CLVS1: variants seen among roughly 807,000 people sequenced by gnomAD.
CLVS1 encodes clavesin-1.
A neutral mutation model predicts 33.1 loss-of-function variants in CLVS1; 10 were observed. The ratio of observed to expected loss-of-function variants is 0.30; its 90% confidence interval spans 0.19 to 0.51. The LOEUF (loss-of-function observed/expected upper bound fraction) is 0.51, where lower values mean the gene tolerates loss of function less well. CLVS1 is among the 20% of genes least tolerant of loss of function. The probability of loss-of-function intolerance (pLI) is 0.97; values close to 1 mark genes in which losing one functional copy is unlikely to be tolerated. For synonymous variants in CLVS1, 163 were observed against 166.1 expected (o/e 0.98, Z 0.14); for missense variants, 343 against 433.4 (o/e 0.79, Z 1.85).
At chr8:61,430,651 G>A (rs1004955994) in intron 3 of CLVS1, among the ~76,000 whole-genome samples, 1 of 152,190 alleles carries the variant, frequency 6.6e-6, no homozygotes, top group African/African-American at 2.4e-5. Context: ...TTTACAAGCT[G>A]TCTTTATGTG....
At chr8:60,991,147 CAAT>C in the CLVS1 span, among the ~76,000 whole-genome samples, 104 of 152,024 alleles carry the variant, frequency 6.8e-4, no homozygotes, top group Admixed American at 2.1e-3. Context: ...TTAATAATAA[CAAT>C]AATAATACTA....
At chr8:61,292,532 C>T in intron 1 of CLVS1, 1 of 367,198 alleles carries the variant, frequency 2.7e-6, no homozygotes, top group Non-Finnish European at 5.5e-6. Context: ...ATACTCTTTC[C>T]CTTTGAAGAC....
chr8:61,096,403 C>T (rs1024689561), intron 1 of CLVS1, among the ~76,000 whole-genome samples: 1 of 152,058 alleles, frequency 6.6e-6, no homozygotes, highest in Non-Finnish European at 1.5e-5. Flanking sequence ...CCATATGATT[C>T]TAAAAATCAG....
At chr8:61,098,607 T>G (rs1226151815) in intron 1 of CLVS1, among the ~76,000 whole-genome samples, 2 of 152,120 alleles carry the variant, frequency 1.3e-5, no homozygotes, top group Non-Finnish European at 2.9e-5. Flanking sequence ...TCATTAATCC[T>G]TGCAACACTC....
chr8:61,478,778 C>T (rs1467112026), intron 5 of CLVS1, among the ~76,000 whole-genome samples: 1 of 152,130 alleles, frequency 6.6e-6, no homozygotes, highest in Non-Finnish European at 1.5e-5. Flanking sequence ...TCCAATTTGC[C>T]AGTCTGTGTC....
At chr8:61,127,817 AGTCT>A (rs1232402630) in intron 1 of CLVS1, among the ~76,000 whole-genome samples, 1 of 152,224 alleles carries the variant, frequency 6.6e-6, no homozygotes, top group Non-Finnish European at 1.5e-5. Context: ...CTAGGTACAC[AGTCT>A]GTCTATAAAC....
In CLVS1 at chr8:61,199,460, A is replaced by G. The variant is rs1585682633; in HGVS notation, c.-152+67600A>G. ...AATTGGGCAAACAATATGAACAGAC[A>G]TTTCTCAAAAGAAAATATACAAATG... is the stretch of plus-strand genomic sequence containing the variant. On this transcript the variant is annotated intron_variant, in intron 2 of 2. Transcript: ENST00000522621. Among the ~76,000 whole-genome samples the G allele has an allele frequency of 2.6e-5, 4 of 152,234 alleles. No individual in the cohort carries two copies. In the South Asian group the frequency reaches 8.3e-4, roughly 31 times the overall value.
intron 2 of CLVS1, among the ~76,000 whole-genome samples, chr8:61,279,811 T>G (rs1809634580): frequency 6.6e-6 from 1 of 152,206 alleles, no homozygotes; most frequent in Non-Finnish European, 1.5e-5. Context: ...TTATCCAGTT[T>G]CAGAGTCTGA....
At chr8:61,476,098 G>A (rs1301974762) in intron 5 of CLVS1, among the ~76,000 whole-genome samples, 1 of 152,168 alleles carries the variant, frequency 6.6e-6, no homozygotes, top group African/African-American at 2.4e-5. Context: ...TCAAAGATCA[G>A]ATAGTTGTAG....
chr8:61,063,310 A>AGAGAGAGAGAGAGG (rs1585581099), intron 1 of CLVS1, among the ~76,000 whole-genome samples: 1 of 145,348 alleles, frequency 6.9e-6, no homozygotes, highest in Non-Finnish European at 1.5e-5. Flanking sequence ...AGAGAGAGAG[A>AGAGAGAGAGAGAGG]ACAGTCATTT....
chr8:61,026,522 G>A, the CLVS1 span, among the ~76,000 whole-genome samples: 14 of 152,196 alleles, frequency 9.2e-5, no homozygotes, highest in African/African-American at 3.4e-4. Context: ...CAGGCAGGGA[G>A]ATGTGGTGTG....
At chr8:61,105,312 GCA>G (rs973849960) in intron 1 of CLVS1, among the ~76,000 whole-genome samples, 1 of 152,014 alleles carries the variant, frequency 6.6e-6, no homozygotes, top group Admixed American at 6.5e-5. Flanking sequence ...ACACATACAT[GCA>G]CACACACACA....
At position 61,203,092 on chromosome 8, in the gene CLVS1, A is replaced by C. The variant is rs1807771116; in HGVS notation, c.-152+71232A>C. 3.9e-6 allele frequency: 5 copies of C among 1,283,780 alleles called. No homozygotes were observed. The East Asian group carries it at 1.2e-4, about 30-fold the overall frequency. The allele number at this position is 1,283,780 out of a possible 1,614,324, so 79.5% of individuals were successfully genotyped here. On this transcript the variant is annotated intron_variant, in intron 2 of 2. Coordinates refer to the CLVS1 transcript ENST00000522621. ...GTTCTGTAAAAGACATTAAAGCAAA[A>C]ATGCAAGCAAGTATAGAAAAAGGTG...
At chr8:61,259,382 T>C (rs1185534017) in intron 2 of CLVS1, among the ~76,000 whole-genome samples, 1 of 152,220 alleles carries the variant, frequency 6.6e-6, no homozygotes, top group Non-Finnish European at 1.5e-5. Flanking sequence ...GTTCCTGACC[T>C]TGACATATCA....
intron 3 of CLVS1, among the ~76,000 whole-genome samples, chr8:61,453,847 T>C (rs1327643965): frequency 6.6e-6 from 1 of 152,190 alleles, no homozygotes; most frequent in Non-Finnish European, 1.5e-5. Context: ...TCAGGCTGCA[T>C]GAGCTTCTGT....
At chr8:61,322,376 T>C (rs1811224470) in intron 2 of CLVS1, among the ~76,000 whole-genome samples, 1 of 152,192 alleles carries the variant, frequency 6.6e-6, no homozygotes, top group African/African-American at 2.4e-5. Flanking sequence ...GCACATTGAC[T>C]ATAAATTGGT....
At chr8:61,045,368 A>T in the CLVS1 span, among the ~76,000 whole-genome samples, 2 of 152,202 alleles carry the variant, frequency 1.3e-5, no homozygotes, top group Non-Finnish European at 2.9e-5. Context: ...TGCTTCACTG[A>T]CAAGGGATCA....
At chr8:61,007,911 G>A in the CLVS1 span, among the ~76,000 whole-genome samples, 2 of 152,188 alleles carry the variant, frequency 1.3e-5, no homozygotes, top group Non-Finnish European at 2.9e-5. Context: ...CAGCTGGGGA[G>A]GGCTTTGTGG....
intron 2 of CLVS1, among the ~76,000 whole-genome samples, chr8:61,161,398 A>C (rs1216194984): frequency 6.6e-6 from 1 of 152,254 alleles, no homozygotes; most frequent in Non-Finnish European, 1.5e-5. Context: ...CGATAGTGAC[A>C]ACATGGGTTT....
Sources: allele counts gnomAD v4.1 joint callset (sites outside exome capture counted in the v4.1 genomes callset), GRCh38; gene constraint gnomAD v4.1.1; transcripts MANE v1.5; gene names NCBI Gene and HGNC (gene_info 2026-07-23, HGNC 2026-07-21).